The following MTCL1 variants were observed in gnomAD, a reference collection of about 807,000 sequenced individuals.
MTCL1 encodes microtubule crosslinking factor 1.
MTCL1 carries 79 observed loss-of-function variants against 141.4 expected under a neutral mutation model. The ratio of observed to expected loss-of-function variants is 0.56; its 90% CI spans 0.47 to 0.67. The LOEUF (loss-of-function observed/expected upper bound fraction) is 0.67. Ranked by LOEUF, MTCL1 falls within the 30% of genes least tolerant of loss-of-function variation. The pLI is 0.00. For synonymous variants in MTCL1, 914 were observed against 875.8 expected (o/e 1.04, Z -0.77); for missense variants, 2,177 against 2,113.9 (o/e 1.03, Z -0.59).
chr18:8,771,924 C>G (rs536004879), intron 4 of MTCL1, among the ~76,000 whole-genome samples: 34 of 152,328 alleles, frequency 2.2e-4, no homozygotes, highest in African/African-American at 8.2e-4. Context: ...TTCATTGTTC[C>G]TTGGAAGAGA....
chr18:8,766,930 C>T (rs1437803786), intron 4 of MTCL1, among the ~76,000 whole-genome samples: 1 of 152,228 alleles, frequency 6.6e-6, no homozygotes, highest in African/African-American at 2.4e-5. Context: ...TGACCCACCT[C>T]AAAGACCAGG....
chr18:8,789,399 C>G (rs1280963721), intron 7 of MTCL1: 3 of 985,090 alleles, frequency 3.0e-6, no homozygotes, highest in Non-Finnish European at 2.4e-6. Flanking sequence ...AGTAGCATTG[C>G]TAGGCACTCT....
chr18:8,733,104 C>G (rs1256242810), intron 4 of MTCL1, among the ~76,000 whole-genome samples: 2 of 152,184 alleles, frequency 1.3e-5, no homozygotes, highest in African/African-American at 2.4e-5. Flanking sequence ...TGGCTCATCT[C>G]TCCTGGCAGG....
chr18:8,729,415 T>C lies in MTCL1; in HGVS notation c.357+8919T>C, dbSNP rs192284211. Among the ~76,000 whole-genome samples the C allele has an allele frequency of 2.7e-4, 41 of 152,016 alleles. 1 individual carries two copies. Among genetic ancestry groups the C allele is most frequent in the Admixed American group, 1.4e-3 (22 of 15,258 alleles). On this transcript the variant is annotated intron_variant, in intron 4 of 16. Transcript: ENST00000359865. ...GTACATTAAGTTAATTAATTAAAAT[T>C]TTTTTAGAGACAGGGTCTCCCTCTG...
intron 5 of MTCL1, among the ~76,000 whole-genome samples, chr18:8,781,694 T>C (rs1455492147): frequency 6.6e-6 from 1 of 152,218 alleles, no homozygotes; most frequent in Non-Finnish European, 1.5e-5. Flanking sequence ...CATTTGACCC[T>C]CACAACGACG....
At position 8,784,584 on chromosome 18, in the gene MTCL1, C is replaced by T. The variant is rs139950675; in HGVS notation, c.1472C>T (p.Pro491Leu). ...GGGCTGCGGGGTGGTGCGCCCTTAC[C>T]GGGGCCTGGCCTCCAGGGCGAAGAG... Residue 491 changes from proline (P) to leucine (L), a missense_variant, in exon 6 of 17, where the codon CCG becomes CTG. Physicochemically the swap from Pro to Leu is moderately conservative, Grantham distance 98. Coordinates refer to ENST00000359865, the Ensembl canonical transcript of MTCL1. The T allele has an allele frequency of 4.3e-5, 69 of 1,610,586 alleles. No individual in the cohort carries two copies. The highest frequency in any genetic ancestry group is 4.3e-5 in the Non-Finnish European group (51 of 1,178,268).
intron 10 of MTCL1, chr18:8,800,357 C>T (rs1434778865): frequency 1.3e-5 from 2 of 152,224 alleles, no homozygotes; most frequent in Non-Finnish European, 2.9e-5. Flanking sequence ...ATTCCTCAGG[C>T]CTTGGTCTTT....
chr18:8,798,531 T>G (rs2076004505), intron 10 of MTCL1, among the ~76,000 whole-genome samples: 1 of 152,220 alleles, frequency 6.6e-6, no homozygotes, highest in Non-Finnish European at 1.5e-5. Flanking sequence ...AAATAAGGAC[T>G]GTAGTAAGGG....
At chr18:8,764,373 G>A (rs910682431) in intron 4 of MTCL1, among the ~76,000 whole-genome samples, 3 of 151,192 alleles carry the variant, frequency 2.0e-5, no homozygotes, top group Admixed American at 6.6e-5. Flanking sequence ...GCTGAAGTGC[G>A]GTGGTGCAAT....
chr18:8,780,034 C>T (rs527969086), intron 5 of MTCL1, among the ~76,000 whole-genome samples: 2 of 152,124 alleles, frequency 1.3e-5, no homozygotes. Context: ...TGGGGACCTT[C>T]TGCCTGCATG....
rs771375558 is a variant in MTCL1, at chr18:8,825,699, A to G, written c.4189A>G (p.Arg1397Gly). 1.2e-6 allele frequency: 2 copies of G among 1,614,118 alleles called. No homozygotes were observed. Among genetic ancestry groups the G allele is most frequent in the Admixed American group, 1.7e-5 (1 of 60,024 alleles). The change falls in exon 15 of 17, where the codon AGG (arginine) becomes GGG (glycine). Residue 1397 changes from arginine (R) to glycine (G), a missense_variant. By Grantham distance (125) the Arg-to-Gly change is moderately radical. Transcript: ENST00000359865. Reference sequence around the variant, plus strand: ...CAAGTATGGTTCTCCCAAGCTGCAGAGGAAGCCCCTCCCCAAAGCCGACCA... The same window carrying G: ...CAAGTATGGTTCTCCCAAGCTGCAGGGGAAGCCCCTCCCCAAAGCCGACCA...
Position 8,772,542 on chromosome 18 carries a change from G to C in MTCL1, c.358-5291G>C, listed in dbSNP as rs1034392991. On this transcript the variant is annotated intron_variant, in intron 4 of 16. Coordinates refer to ENST00000359865, the Ensembl canonical transcript of MTCL1. ...TGAACATGATGACCATTAACATTTG[G>C]GGGTGTACTGCTCCAGGCCACTTTC... 2.6e-5 allele frequency among the ~76,000 whole-genome samples: 4 copies of C among 151,230 alleles called. No homozygotes were observed. In the East Asian group the frequency reaches 5.8e-4, roughly 22 times the overall value.
chr18:8,762,142 T>A (rs771619729), intron 4 of MTCL1, among the ~76,000 whole-genome samples: 10 of 152,202 alleles, frequency 6.6e-5, no homozygotes, highest in Non-Finnish European at 1.5e-4. Flanking sequence ...CTGTGAGTAT[T>A]GGTGTTCAGG....
At chr18:8,789,905 G>A (rs983273428) in intron 7 of MTCL1, among the ~76,000 whole-genome samples, 2 of 152,326 alleles carry the variant, frequency 1.3e-5, no homozygotes, top group East Asian at 1.9e-4. Context: ...GCCATAGCAC[G>A]TTTTGTATGT....
chr18:8,794,007 T>G (rs141698572), intron 8 of MTCL1, among the ~76,000 whole-genome samples: 26 of 152,318 alleles, frequency 1.7e-4, no homozygotes, highest in African/African-American at 6.3e-4. Flanking sequence ...CCTTGCAGCT[T>G]AGGGAAGGCA....
chr18:8,739,732 T>C (rs531148587), intron 4 of MTCL1, among the ~76,000 whole-genome samples: 1 of 17,784 alleles, frequency 5.6e-5, no homozygotes, highest in Non-Finnish European at 9.7e-5. Context: ...TTTGTTTGTT[T>C]GTTCGTTTGT....
chr18:8,755,283 G>A (rs973381090), intron 4 of MTCL1, among the ~76,000 whole-genome samples: 1 of 152,184 alleles, frequency 6.6e-6, no homozygotes, highest in Admixed American at 6.5e-5. Context: ...GTCGTTTGTT[G>A]CTTTTGTTGT....
At chr18:8,795,883 G>A (rs1399397555) in intron 8 of MTCL1, among the ~76,000 whole-genome samples, 4 of 152,140 alleles carry the variant, frequency 2.6e-5, no homozygotes, top group African/African-American at 9.7e-5. Flanking sequence ...GAGGGGAAGT[G>A]GAATCTGCTT....
At chr18:8,806,176 G>A (rs187891679) in intron 10 of MTCL1, among the ~76,000 whole-genome samples, 2 of 152,166 alleles carry the variant, frequency 1.3e-5, no homozygotes, top group Admixed American at 1.3e-4. Context: ...TATCTCAAGG[G>A]ACCACAATAA....
Sources: allele counts gnomAD v4.1 joint callset (sites outside exome capture counted in the v4.1 genomes callset), GRCh38; gene constraint gnomAD v4.1.1; transcripts MANE v1.5; gene names NCBI Gene and HGNC (gene_info 2026-07-23, HGNC 2026-07-21).